AFG2A: variants seen among roughly 807,000 people sequenced by gnomAD.
AFG2A encodes the protein ATPase family gene 2 protein homolog A.
chr4:123,156,759 TAA>T, the AFG2A span, among the ~76,000 whole-genome samples: 86,313 of 134,724 alleles, frequency 0.64, 29,646 homozygotes, highest in East Asian at 0.91. Context: ...TTAAGAAGAT[TAA>T]AAAAAAAAAA....
the AFG2A span, among the ~76,000 whole-genome samples, chr4:123,300,039 T>C: frequency 6.6e-6 from 1 of 152,194 alleles, no homozygotes. Flanking sequence ...AGTGTAGGCT[T>C]AACAAGCATA....
At chr4:123,235,588 G>A in the AFG2A span, among the ~76,000 whole-genome samples, 1 of 152,208 alleles carries the variant, frequency 6.6e-6, no homozygotes, top group African/African-American at 2.4e-5. Flanking sequence ...TAGAATAAGT[G>A]TAGTATGGAA....
chr4:122,969,942 C>T, the AFG2A span, among the ~76,000 whole-genome samples: 10 of 152,158 alleles, frequency 6.6e-5, no homozygotes, highest in Non-Finnish European at 1.3e-4. Context: ...GTATATACTA[C>T]AGTGGCTCTG....
At chr4:122,974,332 G>A in the AFG2A span, among the ~76,000 whole-genome samples, 1 of 152,102 alleles carries the variant, frequency 6.6e-6, no homozygotes, top group South Asian at 2.1e-4. Flanking sequence ...TCAGTAGGGT[G>A]ATGTATCTGG....
At chr4:123,063,135 A>C in the AFG2A span, among the ~76,000 whole-genome samples, 1 of 152,134 alleles carries the variant, frequency 6.6e-6, no homozygotes, top group Non-Finnish European at 1.5e-5. Context: ...CTGTTACTTG[A>C]AATCTAAAAC....
At chr4:123,259,761 A>G in the AFG2A span, among the ~76,000 whole-genome samples, 1 of 152,316 alleles carries the variant, frequency 6.6e-6, no homozygotes, top group Non-Finnish European at 1.5e-5. Flanking sequence ...CAACTGTCAC[A>G]AATATATTTA....
chr4:123,099,496 G>A, the AFG2A span, among the ~76,000 whole-genome samples: 14 of 149,362 alleles, frequency 9.4e-5, no homozygotes, highest in South Asian at 6.3e-4. Flanking sequence ...CTCTTTATTC[G>A]TCTTTAATTC....
the AFG2A span, among the ~76,000 whole-genome samples, chr4:123,141,100 ATAGT>A: frequency 6.6e-6 from 1 of 152,320 alleles, no homozygotes; most frequent in East Asian, 1.9e-4. Flanking sequence ...AGAATGTAAA[ATAGT>A]TACTGTTTTC....
chr4:123,029,673 T>A, the AFG2A span, among the ~76,000 whole-genome samples: 1 of 152,206 alleles, frequency 6.6e-6, no homozygotes, highest in Non-Finnish European at 1.5e-5. Context: ...GGTCTCACTC[T>A]GTGGCCTAGG....
the AFG2A span, among the ~76,000 whole-genome samples, chr4:123,182,011 A>G: frequency 2.0e-5 from 3 of 152,154 alleles, no homozygotes; most frequent in Non-Finnish European, 4.4e-5. Context: ...TTGATTTGCT[A>G]CTTACTAGAC....
At chr4:122,942,015 T>G in the AFG2A span, among the ~76,000 whole-genome samples, 4 of 152,116 alleles carry the variant, frequency 2.6e-5, no homozygotes, top group African/African-American at 9.6e-5. Flanking sequence ...CTTTTTGATG[T>G]GCTGCTGGAT....
At chr4:123,104,218 T>G in the AFG2A span, among the ~76,000 whole-genome samples, 2 of 152,066 alleles carry the variant, frequency 1.3e-5, no homozygotes, top group Non-Finnish European at 2.9e-5. Context: ...ATCTTCCTCA[T>G]TATTATTATT....
At chr4:122,923,416 T>C in the AFG2A span, 1 of 1,436,218 alleles carries the variant, frequency 7.0e-7, no homozygotes, top group South Asian at 1.3e-5. Flanking sequence ...GGGCGTGGCA[T>C]GGGTCTGAGA....
the AFG2A span, among the ~76,000 whole-genome samples, chr4:123,017,249 G>T: frequency 7.5e-6 from 1 of 133,420 alleles, no homozygotes; most frequent in Admixed American, 7.3e-5. Context: ...AGAGGGAGAG[G>T]GAGAGCGAGA....
chr4:123,048,490 C>T, the AFG2A span, among the ~76,000 whole-genome samples: 1 of 152,078 alleles, frequency 6.6e-6, no homozygotes, highest in Non-Finnish European at 1.5e-5. Context: ...AATTCATGAG[C>T]ATGGGATATC....
At chr4:122,979,390 A>G in the AFG2A span, 1 of 1,613,586 alleles carries the variant, frequency 6.2e-7, no homozygotes, top group Non-Finnish European at 8.5e-7. Flanking sequence ...CCCAAATGTA[A>G]GTCATTTATG....
At chr4:122,966,666 G>A in the AFG2A span, among the ~76,000 whole-genome samples, 2 of 152,196 alleles carry the variant, frequency 1.3e-5, no homozygotes, top group African/African-American at 4.8e-5. Context: ...TGATTTCTGT[G>A]AGAGTCATTA....
At chr4:122,942,113 G>C in the AFG2A span, among the ~76,000 whole-genome samples, 1 of 151,526 alleles carries the variant, frequency 6.6e-6, no homozygotes, top group African/African-American at 2.4e-5. Context: ...TTGTGTCTCT[G>C]CCCGGCTTTG....
At chr4:123,124,040 G>C in the AFG2A span, among the ~76,000 whole-genome samples, 2 of 151,586 alleles carry the variant, frequency 1.3e-5, no homozygotes, top group Non-Finnish European at 2.9e-5. Flanking sequence ...ACTGTTGTTG[G>C]GACTGTAAAC....
Sources: gnomAD v4.1 joint callset for allele counts (sites outside exome capture counted in the v4.1 genomes callset) on GRCh38, gnomAD v4.1.1 for gene constraint, MANE v1.5 for transcripts, NCBI Gene and HGNC (gene_info 2026-07-23, HGNC 2026-07-21) for gene names.